TRAM2: variants seen among roughly 807,000 people sequenced by gnomAD.
The protein encoded by TRAM2 is translocation associated membrane protein 2.
TRAM2 carries 12 observed loss-of-function variants against 51.0 expected under a neutral mutation model. That is an observed-to-expected ratio of 0.24 (90% CI 0.15 to 0.38). TRAM2 has a LOEUF of 0.38. TRAM2 is among the 10% of genes least tolerant of loss of function. The probability of loss-of-function intolerance (pLI) is 1.00; values close to 1 mark genes in which losing one functional copy is unlikely to be tolerated. For missense variants in TRAM2, 361 were observed against 462.0 expected (o/e 0.78, Z 2.00); for synonymous variants, 175 against 179.4 (o/e 0.98, Z 0.20).
chr6:52,569,358 CCA>C, intron 1 of TRAM2, among the ~76,000 whole-genome samples: 1 of 148,780 alleles, frequency 6.7e-6, no homozygotes, highest in South Asian at 2.1e-4. Context: ...CCACTGTACT[CCA>C]GCCTGGGCGA....
At chr6:52,503,966 G>A (rs1766291184) in intron 10 of TRAM2, among the ~76,000 whole-genome samples, 1 of 152,204 alleles carries the variant, frequency 6.6e-6, no homozygotes, top group Non-Finnish European at 1.5e-5. Flanking sequence ...GCCACCTAGA[G>A]AAAAGCAGGT....
At chr6:52,507,070 T>G (rs1024749091) in intron 7 of TRAM2, among the ~76,000 whole-genome samples, 1 of 152,218 alleles carries the variant, frequency 6.6e-6, no homozygotes, top group African/African-American at 2.4e-5. Context: ...TTATAGCAAT[T>G]CTTTCTGCCT....
chr6:52,539,750 C>T (rs752403385), intron 1 of TRAM2, among the ~76,000 whole-genome samples: 8 of 152,172 alleles, frequency 5.3e-5, no homozygotes, highest in African/African-American at 1.9e-4. Flanking sequence ...CTTAAATGAA[C>T]ACAGTGACTA....
Position 52,556,927 on chromosome 6 carries a change from C to CAA in TRAM2, c.120+19867_120+19868dup, listed in dbSNP as rs11291654. 2.2e-3 allele frequency among the ~76,000 whole-genome samples: 271 copies of CAA among 122,902 alleles called. 2 individuals carry two copies. Among genetic ancestry groups the CAA allele is most frequent in the African/African-American group, 4.9e-3 (156 of 31,626 alleles). The allele number at this position is 122,902 out of a possible 152,430, so 80.6% of individuals were successfully genotyped here. A position where few individuals can be genotyped will look rare whatever the true frequency, so the allele number is the denominator to read the frequency against. Reference sequence around the variant, plus strand: ...TGGATGACAGAGTGAGACTCCATCTCAAAAAAAAAAAAAAAAATCATTTTG... The same window carrying CAA: ...TGGATGACAGAGTGAGACTCCATCTCAAAAAAAAAAAAAAAAAAATCATTTTG... On this transcript the variant is annotated intron_variant, in intron 1 of 10. Transcript: ENST00000182527.
At chr6:52,514,350 G>A (rs989212397) in intron 4 of TRAM2, among the ~76,000 whole-genome samples, 1 of 152,124 alleles carries the variant, frequency 6.6e-6, no homozygotes, top group Admixed American at 6.5e-5. Flanking sequence ...CAGTTCCAAC[G>A]GAGGAGGGCA....
chr6:52,575,851 C>T (rs926629437), intron 1 of TRAM2, among the ~76,000 whole-genome samples: 10 of 152,352 alleles, frequency 6.6e-5, no homozygotes, highest in African/African-American at 2.2e-4. Flanking sequence ...TATACCGCAA[C>T]AAACCCATGC....
intron 1 of TRAM2, among the ~76,000 whole-genome samples, chr6:52,541,371 G>A (rs1376923062): frequency 6.6e-6 from 1 of 152,156 alleles, no homozygotes; most frequent in Non-Finnish European, 1.5e-5. Context: ...TCACAGATAA[G>A]CACGGGAAGG....
chr6:52,551,436 G>T lies in TRAM2; in HGVS notation c.121-15590C>A, dbSNP rs146426366. Among the ~76,000 whole-genome samples the T allele has an allele frequency of 1.9e-3, 291 of 152,284 alleles. 3 individuals are homozygous for T. Among genetic ancestry groups the T allele is most frequent in the Admixed American group, 0.011 (172 of 15,294 alleles). Reference sequence around the variant, plus strand: ...GCCATTTACCTCCCTTTCACAAAGGGATTCTTTCTAACGTTTTCAGGATAG... The same window carrying T: ...GCCATTTACCTCCCTTTCACAAAGGTATTCTTTCTAACGTTTTCAGGATAG... On this transcript the variant is annotated intron_variant, in intron 1 of 10. Transcript: ENST00000182527.
chr6:52,531,287 A>G (rs1766887447), intron 2 of TRAM2, among the ~76,000 whole-genome samples: 1 of 152,186 alleles, frequency 6.6e-6, no homozygotes, highest in South Asian at 2.1e-4. Flanking sequence ...ACATTACCAT[A>G]TTGGGTTAGT....
intron 1 of TRAM2, among the ~76,000 whole-genome samples, chr6:52,559,034 A>G (rs1000596217): frequency 2.0e-5 from 3 of 152,226 alleles, no homozygotes; most frequent in Non-Finnish European, 4.4e-5. Flanking sequence ...GGCATTTCAC[A>G]AAGTGGGATC....
intron 5 of TRAM2, among the ~76,000 whole-genome samples, chr6:52,508,546 G>A (rs866300356): frequency 6.6e-6 from 1 of 152,246 alleles, no homozygotes; most frequent in Non-Finnish European, 1.5e-5. Context: ...GACACGGAAA[G>A]TCCACAGAAA....
intron 1 of TRAM2, among the ~76,000 whole-genome samples, chr6:52,549,891 G>C (rs917523982): frequency 6.6e-6 from 1 of 152,182 alleles, no homozygotes; most frequent in Non-Finnish European, 1.5e-5. Context: ...TTACAATCAG[G>C]AAACGTCTGT....
In TRAM2 at chr6:52,501,219, C is replaced by T. The variant is rs1766215396; in HGVS notation, c.*1978G>A. The T allele has an allele frequency of 6.6e-6, 1 of 152,222 alleles. No homozygotes were observed. Among genetic ancestry groups the T allele is most frequent in the Non-Finnish European group, 1.5e-5 (1 of 68,040 alleles). The allele number at this position is 152,222 out of a possible 1,614,324, so 9.4% of individuals were successfully genotyped here. On this transcript the variant is annotated 3_prime_UTR_variant, in exon 11 of 11. Transcript: ENST00000182527. Reference sequence around the variant, plus strand: ...ATACATATTTTCAAAAACACTGTCTCACTTCCTAAGGGTAATCAAAAGCAA... The same window carrying T: ...ATACATATTTTCAAAAACACTGTCTTACTTCCTAAGGGTAATCAAAAGCAA...
chr6:52,557,649 T>C (rs1767432908), intron 1 of TRAM2, among the ~76,000 whole-genome samples: 1 of 152,202 alleles, frequency 6.6e-6, no homozygotes, highest in Non-Finnish European at 1.5e-5. Context: ...TATGTCCTGA[T>C]AAGGCAACTG....
At chr6:52,513,363 A>G (rs1267725547) in intron 4 of TRAM2, among the ~76,000 whole-genome samples, 2 of 152,242 alleles carry the variant, frequency 1.3e-5, no homozygotes, top group Non-Finnish European at 1.5e-5. Context: ...ACTCATTCTC[A>G]TAGCCAACAT....
intron 2 of TRAM2, among the ~76,000 whole-genome samples, chr6:52,520,990 C>T (rs908747201): frequency 1.3e-5 from 2 of 152,166 alleles, no homozygotes; most frequent in Non-Finnish European, 2.9e-5. Context: ...CTCACCACAA[C>T]CTCCCGGGTT....
intron 1 of TRAM2, among the ~76,000 whole-genome samples, chr6:52,551,396 C>T (rs1016710460): frequency 7.2e-5 from 11 of 152,158 alleles, no homozygotes; most frequent in Non-Finnish European, 1.5e-4. Context: ...GTAGGGATTA[C>T]GCTGCTAGTC....
chr6:52,535,104 CA>C (rs1000020715), intron 2 of TRAM2, among the ~76,000 whole-genome samples: 2 of 152,208 alleles, frequency 1.3e-5, no homozygotes, highest in African/African-American at 4.8e-5. Flanking sequence ...CATGCACTAT[CA>C]AAACGCAACA....
In TRAM2 at chr6:52,505,592, G is replaced by A. The variant is rs780917920; in HGVS notation, c.875+7C>T. On this transcript the variant is annotated splice_region_variant and intron_variant, in intron 9 of 10. Coordinates refer to ENST00000182527, the MANE Select transcript of TRAM2 (RefSeq NM_012288.4). ...GGCTTATCACCTTGGACTTCTGCTC[G>A]ACTCACCTGCAAAACAAAGTGTTGA... 10 of 1,604,998 alleles carry A rather than the reference G, an allele frequency of 6.2e-6. No individual in the cohort carries two copies. The South Asian group carries it at 7.8e-5, about 13-fold the overall frequency.
Sources: gnomAD v4.1 joint callset for allele counts (sites outside exome capture counted in the v4.1 genomes callset) on GRCh38, gnomAD v4.1.1 for gene constraint, MANE v1.5 for transcripts, NCBI Gene and HGNC (gene_info 2026-07-23, HGNC 2026-07-21) for gene names.